Variants in ZNF827 observed in about 807,000 individuals in gnomAD.
ZNF827 encodes the protein zinc finger protein 827.
ZNF827 carries 13 observed loss-of-function variants against 102.4 expected under a neutral mutation model. The ratio of observed to expected loss-of-function variants is 0.13; its 90% CI spans 0.08 to 0.20. The LOEUF is 0.20. Among genes scored for constraint, ZNF827 ranks in the 10% least tolerant of loss-of-function variants. The pLI is 1.00. For synonymous variants in ZNF827, 523 were observed against 536.2 expected (o/e 0.98, Z 0.34); for missense variants, 1,103 against 1,344.4 (o/e 0.82, Z 2.81).
intron 5 of ZNF827, among the ~76,000 whole-genome samples, chr4:145,853,052 G>T (rs1463811910): frequency 2.0e-5 from 3 of 152,212 alleles, no homozygotes; most frequent in African/African-American, 7.2e-5. Flanking sequence ...CCGCATTCTA[G>T]TTTTTGCTCC....
At position 145,886,102 on chromosome 4, in the gene ZNF827, A is replaced by G; in HGVS notation, c.1323T>C (p.Thr441=). The G allele has an allele frequency of 6.2e-7, 1 of 1,613,496 alleles. No individual in the cohort carries two copies. The highest frequency in any genetic ancestry group is 8.5e-7 in the Non-Finnish European group (1 of 1,179,696). Residue 441 remains threonine, a synonymous_variant, in exon 4 of 15, where the codon ACT becomes ACC. Transcript: ENST00000508784. ...GTTTCAGGCTGAAGTGGCGTGAGGA[A>G]GTAAAAGGGCACAGCTGGCACTGAA... ...ETFQCQLCPF[T]SSRHFSLKLH... is the part of the protein sequence containing the mutation.
intron 5 of ZNF827, among the ~76,000 whole-genome samples, chr4:145,862,473 TA>T (rs904719548): frequency 6.6e-6 from 1 of 151,908 alleles, no homozygotes; most frequent in South Asian, 2.1e-4. Context: ...TTTCAAGGGC[TA>T]AAAAAAGTCT....
chr4:145,863,422 C>G (rs1747905478), intron 5 of ZNF827, among the ~76,000 whole-genome samples: 2 of 152,116 alleles, frequency 1.3e-5, no homozygotes, highest in African/African-American at 2.4e-5. Context: ...AATTAAAAAC[C>G]TAAGCCCACA....
Position 145,760,858 on chromosome 4 carries a change from G to C in ZNF827, c.*758C>G. On this transcript the variant is annotated 3_prime_UTR_variant, in exon 15 of 15. Transcript: ENST00000508784. ...GGGTGAGGGGATGCTGGGAGGCGCAGTCTGAGGTCGGGGAGGGTGGAATGT... is the reference window on the plus strand; with the variant it reads ...GGGTGAGGGGATGCTGGGAGGCGCACTCTGAGGTCGGGGAGGGTGGAATGT... 8.2e-7 allele frequency: 1 copy of C among 1,216,322 alleles called. No individual in the cohort carries two copies. The highest frequency in any genetic ancestry group is 1.0e-6 in the Non-Finnish European group (1 of 954,258). The allele number at this position is 1,216,322 out of a possible 1,614,324, so 75.3% of individuals were successfully genotyped here. A position where few individuals can be genotyped will look rare whatever the true frequency, so the allele number is the denominator to read the frequency against.
At chr4:145,792,633 A>G (rs2127063825) in intron 8 of ZNF827, among the ~76,000 whole-genome samples, 1 of 152,214 alleles carries the variant, frequency 6.6e-6, no homozygotes, top group East Asian at 1.9e-4. Flanking sequence ...GGCTCGAGCA[A>G]TCTGTCCGTC....
At chr4:145,801,091 A>G (rs1461383203) in intron 8 of ZNF827, among the ~76,000 whole-genome samples, 2 of 152,228 alleles carry the variant, frequency 1.3e-5, no homozygotes, top group Non-Finnish European at 2.9e-5. Context: ...CATAATTCCA[A>G]GCACATTTAA....
chr4:145,765,045 G>A lies in ZNF827; in HGVS notation c.3173C>T (p.Thr1058Ile), dbSNP rs1735075985. Residue 1058 changes from threonine to isoleucine, a missense_variant, in exon 13 of 15, where the codon ACC becomes ATC. Thr to Ile is a moderately conservative substitution (Grantham distance 89, BLOSUM62 -1). Transcript: ENST00000508784. This position sits in a 1 kb window ranked among gnomAD's most constrained non-coding sequence, Gnocchi z 4.7. The stretch of plus-strand genomic sequence containing the variant: ...CTTATGCTCCAGCAGCTGTTCGGGG[G>A]TCTTCATGAACTTGTGGCACACATC... ...ECDVCHKFMK[T>I]PEQLLEHKKC... 1 of 1,614,082 alleles carries A rather than the reference G, an allele frequency of 6.2e-7. No homozygotes were observed. The highest frequency in any genetic ancestry group is 8.5e-7 in the Non-Finnish European group (1 of 1,180,038).
At chr4:145,829,156 G>C (rs978803679) in intron 7 of ZNF827, among the ~76,000 whole-genome samples, 2 of 140,342 alleles carry the variant, frequency 1.4e-5, no homozygotes, top group Non-Finnish European at 3.2e-5. Flanking sequence ...AGAAGAAACA[G>C]ATTTTTTTTC....
Position 145,870,496 on chromosome 4 carries a change from G to A in ZNF827, c.1748-18C>T, listed in dbSNP as rs895678592. 5 of 1,610,424 alleles carry A rather than the reference G, an allele frequency of 3.1e-6. No individual in the cohort carries two copies. In the African/African-American group the frequency reaches 5.4e-5, roughly 17 times the overall value. On this transcript the variant is annotated intron_variant, in intron 4 of 14. Transcript: ENST00000508784. ...ATTTGCAGCTGTCAAAAGAAAAAAA[G>A]GGATTATATATACATAAAAGGCCAC...
chr4:145,889,925 C>T (rs1490961179), intron 3 of ZNF827, among the ~76,000 whole-genome samples: 1 of 150,510 alleles, frequency 6.6e-6, no homozygotes, highest in Non-Finnish European at 1.5e-5. Context: ...TGCAGTGAGC[C>T]AAGATGGCGC....
chr4:145,879,656 A>G (rs1749498166), intron 4 of ZNF827, among the ~76,000 whole-genome samples: 3 of 152,200 alleles, frequency 2.0e-5, no homozygotes, highest in African/African-American at 7.2e-5. Context: ...TGTATTTAGA[A>G]ATACACAGTA....
In ZNF827 at chr4:145,765,265, A is replaced by G; in HGVS notation, c.3053-100T>C. ...TCCCCACTTCCTCCCGCCTCCTCCG[A>G]CGCCTGACAGCTATACCCTTCCAGG... is the stretch of plus-strand genomic sequence containing the variant. On this transcript the variant is annotated intron_variant, in intron 12 of 14. Coordinates refer to ENST00000508784, the MANE Select transcript of ZNF827 (RefSeq NM_001306215.2). The surrounding 1 kb of genome is among the most constrained non-coding windows in gnomAD (Gnocchi z 4.7). 8 of 1,303,206 alleles carry G rather than the reference A, an allele frequency of 6.1e-6. No individual in the cohort carries two copies. Among genetic ancestry groups the G allele is most frequent in the Non-Finnish European group, 8.3e-6 (8 of 966,492 alleles). 80.7% of individuals were successfully genotyped at this position (1,303,206 alleles called of 1,614,324 possible).
rs909932307 is a variant in ZNF827 at position 145,762,062 on chromosome 4, A to G, written c.*18-464T>C. 1.3e-5 allele frequency among the ~76,000 whole-genome samples: 2 copies of G among 152,180 alleles called. No homozygotes were observed. The highest frequency in any genetic ancestry group is 4.8e-5 in the African/African-American group (2 of 41,458). Reference sequence around the variant, plus strand: ...CACACCAAGCACACGCAGAAAGGCTAAGAGGTTTTAAAGAACAGCTTATAG... The same window carrying G: ...CACACCAAGCACACGCAGAAAGGCTGAGAGGTTTTAAAGAACAGCTTATAG... On this transcript the variant is annotated intron_variant, in intron 14 of 14. Coordinates refer to ENST00000508784, the MANE Select transcript of ZNF827 (RefSeq NM_001306215.2). This position sits in a 1 kb window ranked among gnomAD's most constrained non-coding sequence, Gnocchi z 4.9.
At chr4:145,852,021 C>T (rs1444478352) in intron 5 of ZNF827, among the ~76,000 whole-genome samples, 3 of 152,112 alleles carry the variant, frequency 2.0e-5, no homozygotes, top group Non-Finnish European at 4.4e-5. Flanking sequence ...CCCCAAAGTA[C>T]CTAATATTTG....
At chr4:145,853,247 C>T (rs1485683433) in intron 5 of ZNF827, among the ~76,000 whole-genome samples, 1 of 152,188 alleles carries the variant, frequency 6.6e-6, no homozygotes, top group African/African-American at 2.4e-5. Context: ...CTGGGGTGTT[C>T]TAACATAACA....
chr4:145,882,369 C>T lies in ZNF827; in HGVS notation c.1747+3309G>A, dbSNP rs28485198. Among the ~76,000 whole-genome samples, 777 of 152,268 alleles carry T rather than the reference C, an allele frequency of 5.1e-3. 10 individuals carry two copies. Among genetic ancestry groups the T allele is most frequent in the African/African-American group, 0.017 (695 of 41,546 alleles). On this transcript the variant is annotated intron_variant, in intron 4 of 14. Coordinates refer to ENST00000508784, the MANE Select transcript of ZNF827 (RefSeq NM_001306215.2). Reference sequence around the variant, plus strand: ...CTATTCCCTGAATCAACTGCGATGCCGGGCCTGGAAGCCTCCGTTTTGCAA... The same window carrying T: ...CTATTCCCTGAATCAACTGCGATGCTGGGCCTGGAAGCCTCCGTTTTGCAA...
chr4:145,782,526 C>T (rs1406654738), intron 8 of ZNF827, among the ~76,000 whole-genome samples: 1 of 152,188 alleles, frequency 6.6e-6, no homozygotes, highest in Non-Finnish European at 1.5e-5. Context: ...TGATCTTATG[C>T]AGGTCTTTCT....
At chr4:145,810,066 A>G (rs1337904067) in intron 8 of ZNF827, among the ~76,000 whole-genome samples, 1 of 152,266 alleles carries the variant, frequency 6.6e-6, no homozygotes, top group African/African-American at 2.4e-5. Context: ...TTCATAAAAT[A>G]TAAGTATAAA....
rs560185924 is a variant in ZNF827, at chr4:145,932,514, G to C, written c.43+5851C>G. Among the ~76,000 whole-genome samples the C allele has an allele frequency of 3.4e-5, 5 of 146,426 alleles. No individual in the cohort carries two copies. In the South Asian group the frequency reaches 8.6e-4, roughly 25 times the overall value. On this transcript the variant is annotated intron_variant, in intron 1 of 14. Transcript: ENST00000508784. Reference sequence around the variant, plus strand: ...TTTTGAGACGGAGTCTCGCTCTGTCGAACAGGCTGGAGTGTAGTGGCACAA... The same window carrying C: ...TTTTGAGACGGAGTCTCGCTCTGTCCAACAGGCTGGAGTGTAGTGGCACAA...
Sources: allele counts gnomAD v4.1 joint callset (sites outside exome capture counted in the v4.1 genomes callset), GRCh38; gene constraint gnomAD v4.1.1; non-coding constraint Gnocchi (gnomAD v3.1); transcripts MANE v1.5; gene names NCBI Gene and HGNC (gene_info 2026-07-23, HGNC 2026-07-21).